Variants in TCERG1L observed in about 807,000 individuals in gnomAD.
TCERG1L encodes transcription elongation regulator 1-like protein.
TCERG1L carries 37 observed loss-of-function variants against 56.3 expected under a neutral mutation model. That is an observed-to-expected ratio of 0.66 (90% CI 0.51 to 0.87). The LOEUF is 0.87. Ranked by LOEUF, TCERG1L falls within the 40% of genes least tolerant of loss-of-function variation. TCERG1L has a pLI of 0.00. For synonymous variants in TCERG1L, 324 were observed against 326.3 expected (o/e 0.99, Z 0.08); for missense variants, 799 against 774.2 (o/e 1.03, Z -0.38).
chr10:131,304,010 C>T (rs543812838), intron 3 of TCERG1L, among the ~76,000 whole-genome samples: 9 of 151,888 alleles, frequency 5.9e-5, no homozygotes, highest in Non-Finnish European at 1.0e-4. Flanking sequence ...CTCCAGATGC[C>T]CTCATCTTCC....
chr10:131,151,600 C>T (rs1845868681), intron 6 of TCERG1L, among the ~76,000 whole-genome samples: 2 of 152,108 alleles, frequency 1.3e-5, no homozygotes, highest in South Asian at 4.1e-4. Context: ...GTGATGGTGG[C>T]TTTTCCAGGT....
chr10:131,238,636 G>C (rs1032025247), intron 4 of TCERG1L, among the ~76,000 whole-genome samples: 1 of 152,174 alleles, frequency 6.6e-6, no homozygotes, highest in Non-Finnish European at 1.5e-5. Flanking sequence ...AGCTTGCTGC[G>C]GTTCTTTGTG....
chr10:131,139,402 C>A (rs1372560079), intron 7 of TCERG1L, among the ~76,000 whole-genome samples: 1 of 152,052 alleles, frequency 6.6e-6, no homozygotes, highest in East Asian at 1.9e-4. Flanking sequence ...CCAGACAGGG[C>A]AAGGGTAGGG....
At chr10:131,177,329 G>A (rs1390582455) in intron 4 of TCERG1L, among the ~76,000 whole-genome samples, 5 of 152,252 alleles carry the variant, frequency 3.3e-5, no homozygotes, top group African/African-American at 4.8e-5. Flanking sequence ...CTGTCACAGC[G>A]GATAAAGGCA....
chr10:131,143,673 G>T (rs1362361122), intron 7 of TCERG1L, among the ~76,000 whole-genome samples: 1 of 152,142 alleles, frequency 6.6e-6, no homozygotes, highest in African/African-American at 2.4e-5. Flanking sequence ...CCTGGGAAAC[G>T]CGGGCACGGG....
At chr10:131,242,364 A>G (rs1845983301) in intron 4 of TCERG1L, among the ~76,000 whole-genome samples, 1 of 152,206 alleles carries the variant, frequency 6.6e-6, no homozygotes, top group Non-Finnish European at 1.5e-5. Flanking sequence ...GGCAATGTGT[A>G]AGAGAAAGAA....
intron 3 of TCERG1L, among the ~76,000 whole-genome samples, chr10:131,285,516 G>GA (rs370895094): frequency 0.32 from 8,953 of 28,406 alleles, 735 homozygotes; most frequent in East Asian, 0.46. Flanking sequence ...AAGAAAGAAA[G>GA]AAAGAAAGAG....
chr10:131,218,871 C>T (rs546919361), intron 4 of TCERG1L, among the ~76,000 whole-genome samples: 48 of 152,248 alleles, frequency 3.2e-4, no homozygotes, highest in African/African-American at 1.0e-3. Flanking sequence ...GGAGGCCAGC[C>T]GTGCCCTGCT....
chr10:131,203,290 G>A (rs1845465377), intron 4 of TCERG1L, among the ~76,000 whole-genome samples: 2 of 129,346 alleles, frequency 1.5e-5, no homozygotes, highest in South Asian at 2.4e-4. Flanking sequence ...ACTCTCGCAT[G>A]GGTGACAGAG....
At chr10:131,219,512 T>A (rs139828738) in intron 4 of TCERG1L, among the ~76,000 whole-genome samples, 56 of 152,256 alleles carry the variant, frequency 3.7e-4, no homozygotes, top group African/African-American at 1.3e-3. Context: ...GCTCAATACA[T>A]ACTTGCAGGA....
chr10:131,224,937 G>A (rs546632976), intron 4 of TCERG1L, among the ~76,000 whole-genome samples: 8 of 152,332 alleles, frequency 5.3e-5, no homozygotes, highest in African/African-American at 1.9e-4. Flanking sequence ...ACTAGTGGAG[G>A]TAATAATGTA....
intron 6 of TCERG1L, among the ~76,000 whole-genome samples, chr10:131,156,637 G>A (rs950552177): frequency 3.9e-5 from 6 of 152,102 alleles, no homozygotes; most frequent in South Asian, 2.1e-4. Flanking sequence ...GTTGAAGATC[G>A]ACCCCTGACC....
intron 6 of TCERG1L, among the ~76,000 whole-genome samples, chr10:131,155,373 C>T (rs575979792): frequency 1.9e-4 from 29 of 152,348 alleles, no homozygotes; most frequent in South Asian, 1.0e-3. Context: ...CGAGTCCACT[C>T]GGGGCCCTGC....
At chr10:131,109,631 C>T (rs745770896) in intron 9 of TCERG1L, among the ~76,000 whole-genome samples, 2 of 152,156 alleles carry the variant, frequency 1.3e-5, no homozygotes, top group African/African-American at 2.4e-5. Flanking sequence ...CTCATCTGAT[C>T]GCTGTTTCAG....
chr10:131,147,949 G>A (rs1278285874), intron 6 of TCERG1L, among the ~76,000 whole-genome samples: 1 of 152,216 alleles, frequency 6.6e-6, no homozygotes, highest in Non-Finnish European at 1.5e-5. Flanking sequence ...CATGGGCCAG[G>A]CAGAGGGCTC....
chr10:131,226,640 G>A (rs114289226), intron 4 of TCERG1L, among the ~76,000 whole-genome samples: 4,039 of 152,312 alleles, frequency 0.027, 161 homozygotes, highest in African/African-American at 0.09. Flanking sequence ...AGCAGCTGGC[G>A]TGAGGGAGGG....
chr10:131,143,544 G>A (rs952246042), intron 7 of TCERG1L, among the ~76,000 whole-genome samples: 8 of 152,200 alleles, frequency 5.3e-5, no homozygotes, highest in African/African-American at 1.7e-4. Context: ...AGCAGAGCGG[G>A]CCAAGGTGGT....
At chr10:131,191,055 G>A (rs2133462405) in intron 4 of TCERG1L, among the ~76,000 whole-genome samples, 1 of 144,090 alleles carries the variant, frequency 6.9e-6, no homozygotes, top group Non-Finnish European at 1.5e-5. Context: ...CAAATCAGTA[G>A]CACTGCTAGA....
chr10:131,235,734 G>A (rs1589757211), intron 4 of TCERG1L, among the ~76,000 whole-genome samples: 1 of 152,186 alleles, frequency 6.6e-6, no homozygotes, highest in African/African-American at 2.4e-5. Flanking sequence ...ATCTGTACAT[G>A]TCTGTGGGAC....
Sources: gnomAD v4.1 joint callset for allele counts (sites outside exome capture counted in the v4.1 genomes callset) on GRCh38, gnomAD v4.1.1 for gene constraint, MANE v1.5 for transcripts, NCBI Gene and HGNC (gene_info 2026-07-23, HGNC 2026-07-21) for gene names.